PARP15: variants seen among roughly 807,000 people sequenced by gnomAD.
PARP15 encodes poly(ADP-ribose) polymerase family member 15.
Under a neutral mutation model 62.1 loss-of-function variants are expected in PARP15, and 50 were observed. The observed-to-expected ratio is 0.81, with a 90% CI of 0.64 to 1.02. The LOEUF is 1.02. Among genes scored for constraint, PARP15 ranks in the 50% least tolerant of loss-of-function variants. The pLI is 0.00. For missense variants in PARP15, 820 were observed against 826.5 expected, an observed-to-expected ratio of 0.99 and a Z score of 0.10; for synonymous variants, 309 against 293.1, an observed-to-expected ratio of 1.05 and a Z score of -0.55.
At chr3:122,595,766 C>T (rs1048427822) in intron 1 of PARP15, among the ~76,000 whole-genome samples, 2 of 152,182 alleles carry the variant, frequency 1.3e-5, no homozygotes, top group Non-Finnish European at 2.9e-5. Flanking sequence ...CTCATGAGCT[C>T]TAGCAATCCG....
intron 2 of PARP15, 36 bp downstream of exon 2, chr3:122,606,091 A>G (rs976829527): frequency 6.5e-7 from 1 of 1,539,556 alleles, no homozygotes. Context: ...ACCAAGGAAC[A>G]GTGGGATCTA....
At chr3:122,617,238 G>A (rs1936037429) in intron 6 of PARP15, 74 bp downstream of exon 6, 4 of 1,446,694 alleles carry the variant, frequency 2.8e-6, no homozygotes, top group Non-Finnish European at 2.9e-6. Context: ...GCTAATATTT[G>A]CCCTGAGTGG....
intron 1 of PARP15, among the ~76,000 whole-genome samples, chr3:122,595,725 G>C (rs1934284154): frequency 6.6e-6 from 1 of 152,054 alleles, no homozygotes; most frequent in Non-Finnish European, 1.5e-5. Context: ...TAGAGACAGG[G>C]TTTTGCCACA....
At chr3:122,624,012 G>A (rs369616753) in intron 8 of PARP15, among the ~76,000 whole-genome samples, 1 of 152,062 alleles carries the variant, frequency 6.6e-6, no homozygotes, top group Non-Finnish European at 1.5e-5. Flanking sequence ...TTAGCCAGGC[G>A]TGGTGGCGGA....
At position 122,606,045 on chromosome 3, in the gene PARP15, T is replaced by C. The variant is rs1304806733; in HGVS notation, c.296T>C (p.Leu99Pro). ...CTCAAGTTGATAAGTGGAGATGTTC[T>C]GTACATCTGGGTAGGTGATGCCATT... ...LNLKLISGDV[L>P]YIWADVIVNS... Residue 99 changes from leucine (L) to proline (P), a missense_variant, in exon 2 of 12, where the codon CTG (leucine) becomes CCG (proline). Leu to Pro is a moderately conservative substitution (Grantham distance 98). Transcript: ENST00000464300. 6.4e-7 allele frequency: 1 copy of C among 1,551,870 alleles called. No homozygotes were observed. The highest frequency in any genetic ancestry group is 2.0e-5 in the Admixed American group (1 of 51,000).
chr3:122,604,325 A>T (rs1935011380), intron 1 of PARP15, among the ~76,000 whole-genome samples: 1 of 152,218 alleles, frequency 6.6e-6, no homozygotes, highest in African/African-American at 2.4e-5. Context: ...CAAACTTCAA[A>T]TGCATTATTA....
At chr3:122,581,993 CT>C (rs1384690348) in intron 1 of PARP15, among the ~76,000 whole-genome samples, 5 of 152,172 alleles carry the variant, frequency 3.3e-5, no homozygotes. Flanking sequence ...TTAAAAGTGA[CT>C]TAAAAAATTA....
intron 9 of PARP15, among the ~76,000 whole-genome samples, chr3:122,630,143 A>G (rs920196625): frequency 2.0e-5 from 3 of 152,196 alleles, no homozygotes; most frequent in Non-Finnish European, 4.4e-5. Context: ...GGTAGTTATC[A>G]TGCTATTTTC....
At chr3:122,578,275 AT>A (rs2080727014) in intron 1 of PARP15, among the ~76,000 whole-genome samples, 1 of 152,070 alleles carries the variant, frequency 6.6e-6, no homozygotes, top group Non-Finnish European at 1.5e-5. Context: ...ACTTTTAGTC[AT>A]ATTTTAATAT....
intron 9 of PARP15, among the ~76,000 whole-genome samples, chr3:122,627,355 A>C (rs1936800633): frequency 6.6e-6 from 1 of 152,170 alleles, no homozygotes; most frequent in South Asian, 2.1e-4. Context: ...ATTGACCCTC[A>C]TTTCCTCTTG....
chr3:122,603,047 G>A (rs1285765731), intron 1 of PARP15, among the ~76,000 whole-genome samples: 3 of 150,702 alleles, frequency 2.0e-5, no homozygotes, highest in Non-Finnish European at 2.9e-5. Flanking sequence ...TTTATTTTTG[G>A]TGGTGAACAC....
At position 122,613,441 on chromosome 3, in the gene PARP15, C is replaced by T. The variant is rs144630661; in HGVS notation, c.771+173C>T. On this transcript the variant is annotated intron_variant, in intron 4 of 11. Transcript: ENST00000464300. ...TGAGCCAACACTGATAACTCATGTT[C>T]CTAGACAGTTCATCAAGAGACAAGC... is the stretch of plus-strand genomic sequence containing the variant. 4.1e-3 allele frequency among the ~76,000 whole-genome samples: 618 copies of T among 152,250 alleles called. 3 individuals are homozygous for T. Among genetic ancestry groups the T allele is most frequent in the African/African-American group, 0.013 (546 of 41,536 alleles).
intron 1 of PARP15, among the ~76,000 whole-genome samples, chr3:122,585,369 G>C (rs1406782976): frequency 6.6e-6 from 1 of 152,174 alleles, no homozygotes; most frequent in African/African-American, 2.4e-5. Flanking sequence ...CAATCTGGAG[G>C]CTGGGTCAGA....
intron 7 of PARP15, among the ~76,000 whole-genome samples, chr3:122,620,619 G>A (rs1447383360): frequency 6.6e-6 from 1 of 152,024 alleles, no homozygotes; most frequent in African/African-American, 2.4e-5. Flanking sequence ...CTAACATGAG[G>A]ACGTTAGCAG....
chr3:122,583,108 C>A (rs1482593241), intron 1 of PARP15, among the ~76,000 whole-genome samples: 1 of 119,488 alleles, frequency 8.4e-6, no homozygotes, highest in African/African-American at 3.1e-5. Context: ...ATTCTATCAT[C>A]TGTATCTTTT....
At chr3:122,614,725 G>A (rs1051600484) in intron 4 of PARP15, among the ~76,000 whole-genome samples, 2 of 152,218 alleles carry the variant, frequency 1.3e-5, no homozygotes, top group East Asian at 3.9e-4. Context: ...AAATTTCATT[G>A]TTAACCAAGA....
At chr3:122,578,174 G>C (rs1415551188) in intron 1 of PARP15, among the ~76,000 whole-genome samples, 1 of 150,630 alleles carries the variant, frequency 6.6e-6, no homozygotes, top group East Asian at 2.0e-4. Flanking sequence ...TTTTGAGTTT[G>C]CTTATGGGGG....
intron 1 of PARP15, among the ~76,000 whole-genome samples, chr3:122,585,032 G>T (rs894974553): frequency 1.3e-5 from 2 of 152,082 alleles, no homozygotes; most frequent in Non-Finnish European, 1.5e-5. Context: ...ACCCATTCTT[G>T]ATTTGCTTGA....
rs79559169 is a variant in PARP15 at position 122,630,109 on chromosome 3, A to G, written c.1439-1977A>G. 4.0e-3 allele frequency among the ~76,000 whole-genome samples: 603 copies of G among 152,292 alleles called. 2 individuals carry two copies. The highest frequency in any genetic ancestry group is 0.013 in the African/African-American group (523 of 41,566). On this transcript the variant is annotated intron_variant, in intron 9 of 11. Coordinates refer to ENST00000464300, the MANE Select transcript of PARP15 (RefSeq NM_001113523.3). Reference sequence around the variant, plus strand: ...GGGAAGAGGGCTCAGGAAAATGCCTAGCACATGGAAACACTTTTAAAAGGG... The same window carrying G: ...GGGAAGAGGGCTCAGGAAAATGCCTGGCACATGGAAACACTTTTAAAAGGG...
Sources: allele counts gnomAD v4.1 joint callset (sites outside exome capture counted in the v4.1 genomes callset), GRCh38; gene constraint gnomAD v4.1.1; transcripts MANE v1.5; gene names NCBI Gene and HGNC (gene_info 2026-07-23, HGNC 2026-07-21).